PEAK1: variants seen among roughly 807,000 people sequenced by gnomAD.
The protein encoded by PEAK1 is pseudopodium enriched atypical kinase 1.
A neutral mutation model predicts 124.7 loss-of-function variants in PEAK1; 54 were observed. That is an observed-to-expected ratio of 0.43 (90% CI 0.35 to 0.54). The LOEUF (loss-of-function observed/expected upper bound fraction) is 0.54. Ranked by LOEUF, PEAK1 falls within the 20% of genes least tolerant of loss-of-function variation. The probability of loss-of-function intolerance (pLI) is 0.01; values close to 1 mark genes in which losing one functional copy is unlikely to be tolerated. For missense variants in PEAK1, 2,046 were observed against 2,134.5 expected (o/e 0.96, Z 0.82); for synonymous variants, 719 against 760.0 (o/e 0.95, Z 0.89).
chr15:77,348,628 G>C, intron 2 of PEAK1: 2 of 982,710 alleles, frequency 2.0e-6, no homozygotes, highest in Non-Finnish European at 2.4e-6. Flanking sequence ...TCCTAAATGT[G>C]GTATACATTT....
At chr15:77,118,138 T>C (rs1379484591) in intron 9 of PEAK1, among the ~76,000 whole-genome samples, 2 of 152,086 alleles carry the variant, frequency 1.3e-5, no homozygotes, top group Non-Finnish European at 2.9e-5. Flanking sequence ...CATAGACAGG[T>C]TGAAGAATAA....
intron 8 of PEAK1, among the ~76,000 whole-genome samples, chr15:77,149,692 A>G (rs573322272): frequency 2.0e-5 from 3 of 152,320 alleles, no homozygotes; most frequent in African/African-American, 7.2e-5. Flanking sequence ...TATACCCTAC[A>G]GAGTCAAGTA....
intron 5 of PEAK1, chr15:77,255,223 A>T (rs531411067): frequency 5.7e-6 from 2 of 348,936 alleles, no homozygotes; most frequent in South Asian, 1.2e-4. Flanking sequence ...CCCAAAATTT[A>T]AAAATTGGCC....
chr15:77,191,915 T>C (rs954824999), intron 6 of PEAK1, among the ~76,000 whole-genome samples: 5 of 152,182 alleles, frequency 3.3e-5, no homozygotes, highest in South Asian at 2.1e-4. Flanking sequence ...TGACTAAAGA[T>C]GACCCTGTGG....
intron 8 of PEAK1, among the ~76,000 whole-genome samples, chr15:77,142,539 C>T (rs547184061): frequency 7.2e-4 from 110 of 152,086 alleles, no homozygotes; most frequent in Non-Finnish European, 7.4e-4. Context: ...TTATAATAGC[C>T]AAAAAGTAGA....
At chr15:77,301,575 G>C (rs1227500230) in intron 2 of PEAK1, among the ~76,000 whole-genome samples, 1 of 151,994 alleles carries the variant, frequency 6.6e-6, no homozygotes, top group Admixed American at 6.6e-5. Flanking sequence ...CATTAGACTG[G>C]GATAATGTGT....
At chr15:77,135,376 A>G (rs1012443668) in intron 8 of PEAK1, among the ~76,000 whole-genome samples, 2 of 152,200 alleles carry the variant, frequency 1.3e-5, no homozygotes, top group African/African-American at 2.4e-5. Context: ...TATGACAGGG[A>G]TAAGTTCTGA....
At chr15:77,338,268 A>G (rs950175051) in intron 2 of PEAK1, among the ~76,000 whole-genome samples, 6 of 152,210 alleles carry the variant, frequency 3.9e-5, no homozygotes, top group African/African-American at 4.8e-5. Context: ...AACTTGCTGC[A>G]TTCATCAGCA....
chr15:77,355,958 G>T (rs1448848669), intron 2 of PEAK1: 1 of 981,106 alleles, frequency 1.0e-6, no homozygotes, highest in African/African-American at 1.8e-5. Context: ...GAGACAAGAG[G>T]CAGTCCAGCA....
intron 6 of PEAK1, among the ~76,000 whole-genome samples, chr15:77,230,583 G>A (rs142458785): frequency 6.6e-6 from 1 of 152,110 alleles, no homozygotes; most frequent in Non-Finnish European, 1.5e-5. Flanking sequence ...CAGAAACAAT[G>A]AGTGGGATCT....
At position 77,155,157 on chromosome 15, in the gene PEAK1, A is replaced by G. The variant is rs573867881; in HGVS notation, c.3331+3346T>C. The G allele has an allele frequency of 4.7e-4, 72 of 152,182 alleles. 1 individual carries two copies. The highest frequency in any genetic ancestry group is 1.6e-3 in the African/African-American group (67 of 41,508). The allele number at this position is 152,182 out of a possible 1,614,324, so 9.4% of individuals were successfully genotyped here. On this transcript the variant is annotated intron_variant, in intron 8 of 9. Coordinates refer to ENST00000682557, the MANE Select transcript of PEAK1 (RefSeq NM_001385026.1). The stretch of plus-strand genomic sequence containing the variant: ...AGATTTGGTCTTTTCACATAGTCCC[A>G]TATTTCTTGGAGGCTTTGTTCATTT...
At chr15:77,216,723 T>C (rs1045564188) in intron 6 of PEAK1, among the ~76,000 whole-genome samples, 9 of 152,154 alleles carry the variant, frequency 5.9e-5, no homozygotes, top group Non-Finnish European at 8.8e-5. Context: ...GCCAATACCA[T>C]AGACATCTAA....
At chr15:77,219,307 C>A (rs1428951918) in intron 6 of PEAK1, among the ~76,000 whole-genome samples, 3 of 151,866 alleles carry the variant, frequency 2.0e-5, no homozygotes, top group African/African-American at 7.2e-5. Context: ...CGAAATTTTT[C>A]AATAATCTGA....
intron 9 of PEAK1, among the ~76,000 whole-genome samples, chr15:77,131,840 G>A (rs2052888967): frequency 6.6e-6 from 1 of 152,024 alleles, no homozygotes; most frequent in Admixed American, 6.6e-5. Flanking sequence ...CACTTTGGGA[G>A]GCCAAGGTGG....
At chr15:77,321,936 G>T (rs964506698) in intron 2 of PEAK1, among the ~76,000 whole-genome samples, 1 of 152,036 alleles carries the variant, frequency 6.6e-6, no homozygotes, top group African/African-American at 2.4e-5. Context: ...TGTCTCTCAG[G>T]CCACAGTGCA....
At chr15:77,276,512 AG>A (rs1300267731) in intron 5 of PEAK1, among the ~76,000 whole-genome samples, 1 of 152,152 alleles carries the variant, frequency 6.6e-6, no homozygotes, top group Non-Finnish European at 1.5e-5. Context: ...GCAGAAATGA[AG>A]AAAAAAATAA....
chr15:77,145,314 T>C (rs572347988), intron 8 of PEAK1, among the ~76,000 whole-genome samples: 97 of 152,184 alleles, frequency 6.4e-4, no homozygotes, highest in African/African-American at 1.9e-3. Context: ...CTGGGGGTGG[T>C]GGCATGTGCC....
chr15:77,150,777 C>T (rs2054552039), intron 8 of PEAK1, among the ~76,000 whole-genome samples: 1 of 151,052 alleles, frequency 6.6e-6, no homozygotes, highest in Non-Finnish European at 1.5e-5. Flanking sequence ...GTATTTTGTC[C>T]TTGCAATAGT....
intron 6 of PEAK1, among the ~76,000 whole-genome samples, chr15:77,202,589 A>ACC (rs2058415402): frequency 6.6e-6 from 1 of 151,434 alleles, no homozygotes; most frequent in African/African-American, 2.4e-5. Flanking sequence ...ACACGGTGAA[A>ACC]CCCCGTCTCT....
Sources: allele counts gnomAD v4.1 joint callset (sites outside exome capture counted in the v4.1 genomes callset), GRCh38; gene constraint gnomAD v4.1.1; transcripts MANE v1.5; gene names NCBI Gene and HGNC (gene_info 2026-07-23, HGNC 2026-07-21).